EPM2A: variants seen among roughly 807,000 people sequenced by gnomAD.
The protein encoded by EPM2A is EPM2A glucan phosphatase, laforin.
Under a neutral mutation model 26.5 loss-of-function variants are expected in EPM2A, and 21 were observed. That is an observed-to-expected ratio of 0.79 (90% CI 0.56 to 1.14). EPM2A has a LOEUF of 1.14. Ranked by LOEUF, EPM2A falls within the 50% of genes most tolerant of loss-of-function variation. The probability of loss-of-function intolerance (pLI) is 0.00; values close to 1 mark genes in which losing one functional copy is unlikely to be tolerated. For missense variants in EPM2A, 458 were observed against 440.8 expected (o/e 1.04, Z -0.35); for synonymous variants, 217 against 177.6 (o/e 1.22, Z -1.76).
chr6:145,512,595 C>T (rs1423352642), intron 2 of EPM2A, among the ~76,000 whole-genome samples: 1 of 150,374 alleles, frequency 6.7e-6, no homozygotes, highest in African/African-American at 2.4e-5. Context: ...GCCTGTAATC[C>T]TAGCTACTTA....
chr6:145,547,144 C>T (rs1780592471), intron 2 of EPM2A, among the ~76,000 whole-genome samples: 1 of 152,114 alleles, frequency 6.6e-6, no homozygotes, highest in Non-Finnish European at 1.5e-5. Context: ...CCAAACCTAT[C>T]AACTTTCTAT....
At chr6:145,669,154 A>G (rs1040923383) in intron 2 of EPM2A, among the ~76,000 whole-genome samples, 3 of 152,154 alleles carry the variant, frequency 2.0e-5, no homozygotes, top group African/African-American at 7.2e-5. Context: ...GAAAAATTAA[A>G]AGGACTTAGA....
chr6:145,389,380 C>G (rs886720655), intron 4 of EPM2A, among the ~76,000 whole-genome samples: 1 of 151,778 alleles, frequency 6.6e-6, no homozygotes, highest in African/African-American at 2.4e-5. Flanking sequence ...TTAGTAGAGA[C>G]GGGGTTTCAC....
intron 2 of EPM2A, among the ~76,000 whole-genome samples, chr6:145,671,959 A>G (rs1203178745): frequency 6.6e-6 from 1 of 152,246 alleles, no homozygotes; most frequent in African/African-American, 2.4e-5. Flanking sequence ...TTCAAGGAAC[A>G]GAAATTACAG....
chr6:145,582,843 G>T (rs937116551), intron 2 of EPM2A, among the ~76,000 whole-genome samples: 3 of 152,110 alleles, frequency 2.0e-5, no homozygotes, highest in Admixed American at 6.5e-5. Flanking sequence ...CAGAAGTTTT[G>T]CTACTTCTTT....
chr6:145,584,516 G>A (rs1369764332), intron 2 of EPM2A, among the ~76,000 whole-genome samples: 1 of 152,142 alleles, frequency 6.6e-6, no homozygotes, highest in East Asian at 1.9e-4. Context: ...ATGCTCCACT[G>A]TAGCCATTCT....
At chr6:145,564,285 C>T (rs1221854314) in intron 2 of EPM2A, among the ~76,000 whole-genome samples, 1 of 152,114 alleles carries the variant, frequency 6.6e-6, no homozygotes, top group Non-Finnish European at 1.5e-5. Context: ...TATACACATG[C>T]ATCTATATGC....
intron 2 of EPM2A, among the ~76,000 whole-genome samples, chr6:145,650,606 T>C (rs907964645): frequency 8.6e-5 from 13 of 151,950 alleles, no homozygotes; most frequent in African/African-American, 3.1e-4. Context: ...TCAAGTACAA[T>C]CCTAGGAAAT....
chr6:145,550,451 G>T (rs960074177), intron 2 of EPM2A, among the ~76,000 whole-genome samples: 2 of 151,894 alleles, frequency 1.3e-5, no homozygotes, highest in African/African-American at 4.8e-5. Flanking sequence ...TAATGAATTT[G>T]TACACCTCTT....
chr6:145,501,939 C>T, intron 3 of EPM2A: 1 of 456,010 alleles, frequency 2.2e-6, no homozygotes, highest in South Asian at 1.6e-5. Context: ...GACTGGAAGA[C>T]TTTAAATACT....
chr6:145,482,877 T>TTTC (rs397803185), intron 4 of EPM2A, among the ~76,000 whole-genome samples: 1 of 151,792 alleles, frequency 6.6e-6, no homozygotes, highest in Admixed American at 6.6e-5. Context: ...TTTTTTTTTT[T>TTTC]CTGTGGCTTA....
intron 2 of EPM2A, chr6:145,640,900 G>T (rs1302046214): frequency 3.3e-5 from 5 of 152,232 alleles, no homozygotes; most frequent in Admixed American, 6.5e-5. Flanking sequence ...TCCAGTTAAG[G>T]CTGAATAACT....
intron 2 of EPM2A, among the ~76,000 whole-genome samples, chr6:145,613,842 T>C (rs1453838514): frequency 6.6e-6 from 1 of 152,212 alleles, no homozygotes; most frequent in South Asian, 2.1e-4. Flanking sequence ...CAGATAAGAT[T>C]TAGCATAATT....
chr6:145,463,016 TA>T (rs1168107715), intron 4 of EPM2A, among the ~76,000 whole-genome samples: 1 of 152,146 alleles, frequency 6.6e-6, no homozygotes, highest in Non-Finnish European at 1.5e-5. Context: ...TTTAGTTATA[TA>T]AAAAACATTT....
At chr6:145,543,478 T>C (rs1049209152) in intron 2 of EPM2A, among the ~76,000 whole-genome samples, 5 of 152,134 alleles carry the variant, frequency 3.3e-5, no homozygotes, top group African/African-American at 7.2e-5. Context: ...CTCAGAAACA[T>C]TAAACGACTT....
chr6:145,616,840 T>C (rs1448033605), intron 2 of EPM2A, among the ~76,000 whole-genome samples: 5 of 152,204 alleles, frequency 3.3e-5, no homozygotes, highest in Non-Finnish European at 7.3e-5. Context: ...TTTGGAATGA[T>C]TGTATTTACC....
intron 1 of EPM2A, among the ~76,000 whole-genome samples, chr6:145,700,797 T>C (rs1781868405): frequency 6.6e-6 from 1 of 152,196 alleles, no homozygotes; most frequent in Admixed American, 6.5e-5. Flanking sequence ...ATATTTGGCA[T>C]AAAATATGTC....
intron 2 of EPM2A, among the ~76,000 whole-genome samples, chr6:145,503,280 T>C (rs970710047): frequency 1.3e-5 from 2 of 151,078 alleles, no homozygotes; most frequent in African/African-American, 4.9e-5. Context: ...GGGTATTCAA[T>C]TAGGAAAAGA....
chr6:145,701,876 A>G (rs1183394850), intron 1 of EPM2A, among the ~76,000 whole-genome samples: 2 of 152,176 alleles, frequency 1.3e-5, no homozygotes, highest in Non-Finnish European at 2.9e-5. Context: ...AAGCATTTTA[A>G]TGTACTCTTA....
Sources: allele counts gnomAD v4.1 joint callset (sites outside exome capture counted in the v4.1 genomes callset), GRCh38; gene constraint gnomAD v4.1.1; transcripts MANE v1.5; gene names NCBI Gene and HGNC (gene_info 2026-07-23, HGNC 2026-07-21).